PPFIA3: variants seen among roughly 807,000 people sequenced by gnomAD.
The protein encoded by PPFIA3 is PPFI scaffold protein A3.
Under a neutral mutation model 145.8 loss-of-function variants are expected in PPFIA3, and 26 were observed. The ratio of observed to expected loss-of-function variants is 0.18; its 90% CI spans 0.13 to 0.25. The LOEUF (loss-of-function observed/expected upper bound fraction) is 0.25. PPFIA3 is among the 10% of genes least tolerant of loss of function. The pLI, the probability that PPFIA3 is intolerant of heterozygous loss-of-function variation, is 1.00. For synonymous variants in PPFIA3, 645 were observed against 661.4 expected (o/e 0.98, Z 0.38); for missense variants, 1,008 against 1,587.8 (o/e 0.63, Z 6.21).
Position 49,126,588 on chromosome 19 carries a change from C to CGAATG in PPFIA3, c.-15-1268_-15-1264dup, listed in dbSNP as rs1417771545. Among the ~76,000 whole-genome samples the CGAATG allele has an allele frequency of 3.7e-4, 53 of 144,864 alleles. 1 individual carries two copies. Among genetic ancestry groups the CGAATG allele is most frequent in the African/African-American group, 1.3e-3 (51 of 39,650 alleles). ...TTTTTTTTTTTTTTTTTTCTTTTCC[C>CGAATG]GAATGGAGTAGGTCTTTAGATTCTT... is the stretch of plus-strand genomic sequence containing the variant. On this transcript the variant is annotated intron_variant, in intron 1 of 29. Coordinates refer to ENST00000334186, the MANE Select transcript of PPFIA3 (RefSeq NM_003660.4).
intron 13 of PPFIA3, among the ~76,000 whole-genome samples, chr19:49,135,329 ACTG>A (rs1298197674): frequency 6.6e-6 from 1 of 151,968 alleles, no homozygotes; most frequent in African/African-American, 2.4e-5. Flanking sequence ...GGTGTGAGCC[ACTG>A]TGCTCAGCCC....
chr19:49,124,916 A>AC (rs778897546), intron 1 of PPFIA3, among the ~76,000 whole-genome samples: 91 of 152,186 alleles, frequency 6.0e-4, no homozygotes, highest in Non-Finnish European at 1.1e-3. Context: ...TACAAAAAAT[A>AC]ATTAGCCGGG....
intron 4 of PPFIA3, 100 bp from the exon 5 acceptor site, chr19:49,129,280 C>A: frequency 7.9e-7 from 1 of 1,270,580 alleles, no homozygotes; most frequent in Non-Finnish European, 1.1e-6. Flanking sequence ...AGCCCCAACG[C>A]TGCCCTATCG....
chr19:49,138,511 C>T, intron 16 of PPFIA3, 84 bp downstream of exon 16: 2 of 1,175,304 alleles, frequency 1.7e-6, no homozygotes, highest in South Asian at 2.1e-5. Context: ...GCAACAATAA[C>T]CCCTCACACC....
intron 25 of PPFIA3, 106 bp downstream of exon 25, chr19:49,148,869 CCG>C (rs2041309309): frequency 7.7e-7 from 1 of 1,299,294 alleles, no homozygotes; most frequent in East Asian, 2.3e-5. Flanking sequence ...GGCACCATAA[CCG>C]TGGGGGTGGA....
chr19:49,131,028 A>ATTTTTT (rs33934210), intron 7 of PPFIA3, among the ~76,000 whole-genome samples: 4 of 134,360 alleles, frequency 3.0e-5, no homozygotes, highest in Non-Finnish European at 3.1e-5. Context: ...TGCACCGCTA[A>ATTTTTT]TTTTTTTTTT....
chr19:49,131,419 A>G (rs1429573849), intron 7 of PPFIA3, among the ~76,000 whole-genome samples: 2 of 147,006 alleles, frequency 1.4e-5, no homozygotes, highest in African/African-American at 5.1e-5. Context: ...TCCTGACCTC[A>G]AGTGATCAGC....
chr19:49,136,222 CAG>C (rs1327193489), intron 14 of PPFIA3, among the ~76,000 whole-genome samples: 5 of 152,092 alleles, frequency 3.3e-5, no homozygotes, highest in East Asian at 1.9e-4. Context: ...TCATGGGAAT[CAG>C]GGGCGGGGGT....
chr19:49,135,949 A>C, intron 14 of PPFIA3, 26 bp downstream of exon 14: 1 of 1,586,820 alleles, frequency 6.3e-7, no homozygotes, highest in Non-Finnish European at 8.6e-7. Flanking sequence ...TGGGTCCTGG[A>C]CTGAGCAGGG....
intron 7 of PPFIA3, among the ~76,000 whole-genome samples, chr19:49,132,029 A>G (rs2122566197): frequency 1.3e-5 from 2 of 151,062 alleles, no homozygotes. Context: ...AAAAAAAAAA[A>G]AGTTGAGGCA....
At chr19:49,127,383 TAAAAA>T (rs34030131) in intron 1 of PPFIA3, among the ~76,000 whole-genome samples, 7 of 28,612 alleles carry the variant, frequency 2.4e-4, no homozygotes, top group South Asian at 1.5e-3. Flanking sequence ...TCACTCCAGC[TAAAAA>T]AAAAAAAAAA....
At chr19:49,141,936 C>CGT (rs2041229059) in intron 19 of PPFIA3, 98 bp from the exon 20 acceptor site, 4 of 747,004 alleles carry the variant, frequency 5.4e-6, no homozygotes, top group African/African-American at 5.3e-5. Context: ...TGCGTATGTG[C>CGT]ATGTGTGTGT....
chr19:49,129,854 G>C, intron 5 of PPFIA3, 139 bp from the exon 6 acceptor site: 1 of 845,526 alleles, frequency 1.2e-6, no homozygotes, highest in South Asian at 1.5e-5. Context: ...AGGGTAAACC[G>C]TGGGGTAGGC....
chr19:49,144,202 G>A (rs8102884), intron 21 of PPFIA3, among the ~76,000 whole-genome samples: 20,826 of 151,850 alleles, frequency 0.14, 1,552 homozygotes, highest in African/African-American at 0.18. Context: ...GTAGAGATGG[G>A]GTTTCACCAT....
At chr19:49,126,438 G>A (rs1258124667) in intron 1 of PPFIA3, among the ~76,000 whole-genome samples, 1 of 151,792 alleles carries the variant, frequency 6.6e-6, no homozygotes, top group East Asian at 1.9e-4. Flanking sequence ...TTTTAGTAGA[G>A]ACGGGGGTCA....
At position 49,130,335 on chromosome 19, in the gene PPFIA3, C is replaced by A; in HGVS notation, c.658-43C>A. 6.6e-7 allele frequency: 1 copy of A among 1,512,182 alleles called. No homozygotes were observed. Among genetic ancestry groups the A allele is most frequent in the South Asian group, 1.2e-5 (1 of 81,102 alleles). The allele number at this position is 1,512,182 out of a possible 1,614,324, so 93.7% of individuals were successfully genotyped here. A position where few individuals can be genotyped will look rare whatever the true frequency, so the allele number is the denominator to read the frequency against. The stretch of plus-strand genomic sequence containing the variant: ...TCTCCTTGGATTTCCTCTGTGTCTC[C>A]GGAGACACTCTGGGATCTTGTCCCC... On this transcript the variant is annotated intron_variant, in intron 6 of 29. Transcript: ENST00000334186. The surrounding 1 kb of genome is among the most constrained non-coding windows in gnomAD (Gnocchi z 4.5).
Position 49,130,136 on chromosome 19 carries a change from G to C in PPFIA3, c.657+69G>C. On this transcript the variant is annotated intron_variant, in intron 6 of 29. Coordinates refer to ENST00000334186, the MANE Select transcript of PPFIA3 (RefSeq NM_003660.4). This position sits in a 1 kb window ranked among gnomAD's most constrained non-coding sequence, Gnocchi z 4.5. ...CTGACTTTGTGATAGTGTTTGTAACGTTTGGTATCATCCTCACTGGCCCTA... is the reference window on the plus strand; with the variant it reads ...CTGACTTTGTGATAGTGTTTGTAACCTTTGGTATCATCCTCACTGGCCCTA... 1 of 1,500,832 alleles carries C rather than the reference G, an allele frequency of 6.7e-7. No homozygotes were observed. Among genetic ancestry groups the C allele is most frequent in the Non-Finnish European group, 9.1e-7 (1 of 1,096,850 alleles). The allele number at this position is 1,500,832 out of a possible 1,614,324, so 93.0% of individuals were successfully genotyped here. A position where few individuals can be genotyped will look rare whatever the true frequency, so the allele number is the denominator to read the frequency against.
chr19:49,148,526 T>C (rs1225440428), intron 24 of PPFIA3, 140 bp from the exon 25 acceptor site: 3 of 781,080 alleles, frequency 3.8e-6, no homozygotes, highest in East Asian at 2.7e-5. Context: ...CCTCACCTCC[T>C]GAGGGGGTCA....
rs1289218182 is a variant in PPFIA3, at chr19:49,142,928, A to G, written c.2669A>G (p.His890Arg). The G allele has an allele frequency of 6.2e-7, 1 of 1,613,578 alleles. No homozygotes were observed. Among genetic ancestry groups the G allele is most frequent in the African/African-American group, 1.3e-5 (1 of 74,998 alleles). Residue 890 changes from histidine to arginine, a missense_variant, in exon 21 of 30, where the codon CAC becomes CGC. His to Arg is a conservative substitution (Grantham distance 29). Around this residue, in one of 11 missense-constraint regions of PPFIA3, gnomAD observed 154 missense variants for 369.2 expected, o/e 0.42. Coordinates refer to ENST00000334186, the MANE Select transcript of PPFIA3 (RefSeq NM_003660.4). ...QREIGISNPL[H>R]RLKLRLAIQE... is the part of the protein sequence containing the mutation. ...GAGATCGGCATCAGCAACCCGCTGC[A>G]CCGACTCAAGCTACGCCTCGCCATC...
Sources: allele counts gnomAD v4.1 joint callset (sites outside exome capture counted in the v4.1 genomes callset), GRCh38; gene constraint gnomAD v4.1.1; regional missense constraint gnomAD v4.1.1; non-coding constraint Gnocchi (gnomAD v3.1); transcripts MANE v1.5; gene names NCBI Gene and HGNC (gene_info 2026-07-23, HGNC 2026-07-21).